The following PTPRD variants were observed in gnomAD, a reference collection of about 807,000 sequenced individuals.
PTPRD encodes the protein receptor-type tyrosine-protein phosphatase delta.
PTPRD carries 34 observed loss-of-function variants against 214.5 expected under a neutral mutation model. The observed-to-expected ratio is 0.16, with a 90% confidence interval of 0.12 to 0.21. The LOEUF is 0.21. Ranked by LOEUF, PTPRD falls within the 10% of genes least tolerant of loss-of-function variation. The pLI, the probability that PTPRD is intolerant of heterozygous loss-of-function variation, is 1.00. For missense variants in PTPRD, 2,545 were observed against 2,398.7 expected, an observed-to-expected ratio of 1.06 and a Z score of -1.27; for synonymous variants, 1,128 against 845.7, an observed-to-expected ratio of 1.33 and a Z score of -5.79.
At chr9:9,453,038 A>C in intron 8 of PTPRD, among the ~76,000 whole-genome samples, 1 of 145,950 alleles carries the variant, frequency 6.9e-6, no homozygotes, top group East Asian at 2.0e-4. Flanking sequence ...TTTTTGCTCC[A>C]TATACATACT....
intron 7 of PTPRD, among the ~76,000 whole-genome samples, chr9:9,633,681 T>TAGGTTATCCC (rs1367347502): frequency 6.6e-6 from 1 of 152,166 alleles, no homozygotes; most frequent in African/African-American, 2.4e-5. Flanking sequence ...CTAAAGGTTG[T>TAGGTTATCCC]AGGTTATCCC....
At chr9:9,547,193 G>A (rs759788847) in intron 8 of PTPRD, among the ~76,000 whole-genome samples, 13 of 151,884 alleles carry the variant, frequency 8.6e-5, no homozygotes, top group Non-Finnish European at 1.5e-5. Flanking sequence ...TCTTGCTATC[G>A]ATTTTGTAGC....
intron 12 of PTPRD, among the ~76,000 whole-genome samples, chr9:8,731,353 A>G (rs999640144): frequency 2.0e-5 from 3 of 152,346 alleles, no homozygotes; most frequent in African/African-American, 7.2e-5. Flanking sequence ...ACAAGCTACT[A>G]TTAATAACTC....
At chr9:9,591,400 C>A (rs1028144795) in intron 7 of PTPRD, among the ~76,000 whole-genome samples, 1 of 151,928 alleles carries the variant, frequency 6.6e-6, no homozygotes, top group African/African-American at 2.4e-5. Context: ...AGCTTAGAAG[C>A]GGATTCATTC....
intron 21 of PTPRD, among the ~76,000 whole-genome samples, chr9:8,511,955 A>T (rs2097691427): frequency 6.6e-6 from 1 of 152,156 alleles, no homozygotes; most frequent in African/African-American, 2.4e-5. Context: ...CCTTCACATT[A>T]TCAGATGCTG....
At chr9:8,934,440 T>A (rs79099176) in intron 11 of PTPRD, among the ~76,000 whole-genome samples, 1,771 of 41,934 alleles carry the variant, frequency 0.042, 95 homozygotes, top group Non-Finnish European at 0.069. Context: ...TATATAAATA[T>A]ATATATAAAT....
intron 14 of PTPRD, among the ~76,000 whole-genome samples, chr9:8,591,786 G>C (rs890638331): frequency 6.6e-6 from 1 of 152,122 alleles, no homozygotes; most frequent in Admixed American, 6.6e-5. Context: ...TTAAGCATAG[G>C]ATACAAGACT....
chr9:9,214,559 T>A (rs1370260699), intron 9 of PTPRD, among the ~76,000 whole-genome samples: 1 of 151,886 alleles, frequency 6.6e-6, no homozygotes, highest in Non-Finnish European at 1.5e-5. Flanking sequence ...TTAGAGCTTC[T>A]CAATGAGGAG....
intron 11 of PTPRD, among the ~76,000 whole-genome samples, chr9:8,876,955 T>A (rs1258889346): frequency 2.6e-5 from 4 of 151,432 alleles, no homozygotes; most frequent in Non-Finnish European, 5.9e-5. Context: ...TGAGAGGAAG[T>A]CTCTCTCTGT....
At chr9:9,646,318 GGT>G (rs369865111) in intron 7 of PTPRD, among the ~76,000 whole-genome samples, 1,619 of 136,912 alleles carry the variant, frequency 0.012, 13 homozygotes, top group African/African-American at 0.013. Context: ...TGTGTGTGTG[GGT>G]GTGTGTGTGT....
intron 8 of PTPRD, among the ~76,000 whole-genome samples, chr9:9,497,196 A>G (rs934054402): frequency 3.9e-4 from 59 of 152,176 alleles, no homozygotes; most frequent in African/African-American, 1.4e-3. Flanking sequence ...AACAATATGA[A>G]TATATTTAGT....
intron 11 of PTPRD, among the ~76,000 whole-genome samples, chr9:8,927,863 G>A (rs545304381): frequency 2.8e-4 from 42 of 152,210 alleles, no homozygotes; most frequent in African/African-American, 8.9e-4. Context: ...ATCCTCTCCA[G>A]CATCTGTTGT....
intron 9 of PTPRD, among the ~76,000 whole-genome samples, chr9:9,319,946 T>C (rs182500322): frequency 2.6e-5 from 4 of 152,226 alleles, no homozygotes; most frequent in East Asian, 1.9e-4. Context: ...TAAAGTGAAA[T>C]AGTAGTGGCA....
chr9:9,367,381 A>T (rs902778190), intron 9 of PTPRD, among the ~76,000 whole-genome samples: 1 of 151,682 alleles, frequency 6.6e-6, no homozygotes, highest in African/African-American at 2.4e-5. Context: ...TAAAATATTC[A>T]TAAGGGACAA....
At chr9:9,873,476 T>C (rs114240817) in intron 5 of PTPRD, among the ~76,000 whole-genome samples, 2,224 of 152,214 alleles carry the variant, frequency 0.015, 48 homozygotes, top group African/African-American at 0.051. Context: ...ACTTTTTTTT[T>C]TCTATAAGGG....
intron 3 of PTPRD, among the ~76,000 whole-genome samples, chr9:10,063,440 C>T (rs569392087): frequency 1.2e-4 from 18 of 151,936 alleles, no homozygotes; most frequent in Non-Finnish European, 2.1e-4. Context: ...AGAAAAAAAG[C>T]GTTATGAAGA....
chr9:8,675,159 A>AG (rs925378812), intron 12 of PTPRD, among the ~76,000 whole-genome samples: 3 of 152,142 alleles, frequency 2.0e-5, no homozygotes, highest in Non-Finnish European at 4.4e-5. Context: ...TACATGCTTG[A>AG]GATCCGCAGT....
intron 5 of PTPRD, among the ~76,000 whole-genome samples, chr9:9,899,196 CT>C (rs2075788880): frequency 6.6e-6 from 1 of 151,986 alleles, no homozygotes; most frequent in African/African-American, 2.4e-5. Context: ...TGTAGAGAAT[CT>C]GTAGGTAGAG....
At chr9:10,202,889 G>A (rs1158317315) in intron 3 of PTPRD, among the ~76,000 whole-genome samples, 1 of 151,706 alleles carries the variant, frequency 6.6e-6, no homozygotes, top group Non-Finnish European at 1.5e-5. Context: ...CCAGGAAGCA[G>A]GCCCTTACCA....
Sources: allele counts gnomAD v4.1 joint callset (sites outside exome capture counted in the v4.1 genomes callset), GRCh38; gene constraint gnomAD v4.1.1; transcripts MANE v1.5; gene names NCBI Gene and HGNC (gene_info 2026-07-23, HGNC 2026-07-21).